The following CNOT6L variants were observed in gnomAD, a reference collection of about 807,000 sequenced individuals.
CNOT6L encodes the protein CCR4-NOT transcription complex subunit 6-like.
In CNOT6L, 7 loss-of-function variants were observed where a neutral mutation model predicts 64.0. The ratio of observed to expected loss-of-function variants is 0.11; its 90% CI spans 0.06 to 0.21. The LOEUF (loss-of-function observed/expected upper bound fraction) is 0.21. Among genes scored for constraint, CNOT6L ranks in the 10% least tolerant of loss-of-function variants. The pLI, the probability that CNOT6L is intolerant of heterozygous loss-of-function variation, is 1.00. For synonymous variants in CNOT6L, 193 were observed against 243.4 expected, an observed-to-expected ratio of 0.79 and a Z score of 1.93; for missense variants, 245 against 669.0, an observed-to-expected ratio of 0.37 and a Z score of 6.99.
intron 1 of CNOT6L, among the ~76,000 whole-genome samples, chr4:77,815,065 A>G (rs1051723557): frequency 1.3e-5 from 2 of 152,226 alleles, no homozygotes; most frequent in African/African-American, 4.8e-5. Context: ...AGCAACAAAC[A>G]AGAGAATATG....
At chr4:77,793,686 G>T (rs965354037) in intron 1 of CNOT6L, among the ~76,000 whole-genome samples, 1 of 152,144 alleles carries the variant, frequency 6.6e-6, no homozygotes, top group South Asian at 2.1e-4. Context: ...ATTTCTGAGT[G>T]TTGGGTAGGG....
At chr4:77,819,135 AC>A in intron 1 of CNOT6L, 168 bp downstream of exon 1, 1 of 1,292,030 alleles carries the variant, frequency 7.7e-7, no homozygotes, top group Non-Finnish European at 1.1e-6. Context: ...CCCTCCAGTC[AC>A]CCGACACACA....
At chr4:77,761,749 A>G (rs1406776472) in intron 4 of CNOT6L, among the ~76,000 whole-genome samples, 1 of 152,190 alleles carries the variant, frequency 6.6e-6, no homozygotes, top group East Asian at 1.9e-4. Flanking sequence ...TCTATTCAAT[A>G]TAGTACTAGA....
intron 11 of CNOT6L, among the ~76,000 whole-genome samples, chr4:77,724,932 T>A (rs1165232091): frequency 8.9e-6 from 1 of 112,520 alleles, no homozygotes; most frequent in African/African-American, 2.7e-5. Flanking sequence ...CCCAACTCTA[T>A]GTTCAATGGT....
intron 1 of CNOT6L, among the ~76,000 whole-genome samples, chr4:77,781,734 A>T: frequency 6.6e-6 from 1 of 152,152 alleles, no homozygotes; most frequent in Non-Finnish European, 1.5e-5. Flanking sequence ...CGATGCCTCT[A>T]TAGCGTATGT....
chr4:77,786,081 G>T (rs1034564122), intron 1 of CNOT6L, among the ~76,000 whole-genome samples: 1 of 151,996 alleles, frequency 6.6e-6, no homozygotes, highest in Admixed American at 6.6e-5. Flanking sequence ...AGGCGTTCAA[G>T]ACCAGCCTGC....
At chr4:77,766,602 A>G (rs1726849016) in intron 4 of CNOT6L, among the ~76,000 whole-genome samples, 1 of 152,028 alleles carries the variant, frequency 6.6e-6, no homozygotes, top group African/African-American at 2.4e-5. Flanking sequence ...AAAACTCCAA[A>G]AAATTTGCAG....
intron 1 of CNOT6L, among the ~76,000 whole-genome samples, chr4:77,811,729 C>A (rs978968878): frequency 3.3e-5 from 5 of 152,166 alleles, no homozygotes; most frequent in African/African-American, 1.2e-4. Flanking sequence ...CTCTCACAAA[C>A]ACACACACTC....
intron 8 of CNOT6L, 74 bp from the exon 9 acceptor site, chr4:77,731,612 C>G: frequency 9.2e-7 from 1 of 1,087,028 alleles, no homozygotes; most frequent in Non-Finnish European, 1.3e-6. Context: ...AGAAACATGA[C>G]ATGCATTGTC....
Position 77,719,748 on chromosome 4 carries a change from G to A in CNOT6L, c.*683C>T, listed in dbSNP as rs1258677533. 7 of 152,366 alleles carry A rather than the reference G, an allele frequency of 4.6e-5. No individual in the cohort carries two copies. The highest frequency in any genetic ancestry group is 2.9e-5 in the Non-Finnish European group (2 of 67,978). The allele number at this position is 152,366 out of a possible 1,614,324, so 9.4% of individuals were successfully genotyped here. ...ACTTCCAATAAGGTTATATATAAAG[G>A]ACAAAAAAACCAAAGTGATTCCTCA... On this transcript the variant is annotated 3_prime_UTR_variant, in exon 12 of 12. Transcript: ENST00000504123.
intron 1 of CNOT6L, 60 bp downstream of exon 1, chr4:77,819,243 CG>C: frequency 6.2e-7 from 1 of 1,613,254 alleles, no homozygotes; most frequent in Non-Finnish European, 8.5e-7. Flanking sequence ...CTCATTTCCC[CG>C]GGGACGCGCT....
At chr4:77,743,993 A>T (rs1022879346) in intron 7 of CNOT6L, among the ~76,000 whole-genome samples, 26 of 152,214 alleles carry the variant, frequency 1.7e-4, no homozygotes, top group African/African-American at 6.0e-4. Context: ...CATTTAAAAA[A>T]ATATATATGT....
intron 5 of CNOT6L, among the ~76,000 whole-genome samples, chr4:77,749,457 T>G (rs1318273134): frequency 1.3e-5 from 2 of 152,122 alleles, no homozygotes; most frequent in Admixed American, 6.5e-5. Flanking sequence ...ACAAAAAAAT[T>G]TCTAGCTATT....
chr4:77,729,104 GAAGACA>G (rs1560574408), intron 9 of CNOT6L, 23 bp from the exon 10 acceptor site: 1 of 1,570,084 alleles, frequency 6.4e-7, no homozygotes, highest in East Asian at 2.2e-5. Flanking sequence ...ATTACAAAAA[GAAGACA>G]AAGTTATGCT....
rs1464349800 is a variant in CNOT6L at position 77,720,177 on chromosome 4, A to G, written c.*254T>C. ...TATCAATTTTGAATGCTGGCTGTTA[A>G]TACAATATAAAGAAGGTCCAATTTA... On this transcript the variant is annotated 3_prime_UTR_variant, in exon 12 of 12. Transcript: ENST00000504123. 2.5e-5 allele frequency: 9 copies of G among 357,894 alleles called. No homozygotes were observed. The East Asian group carries it at 4.2e-4, about 17-fold the overall frequency. 22.2% of individuals were successfully genotyped at this position (357,894 alleles called of 1,614,324 possible).
intron 1 of CNOT6L, among the ~76,000 whole-genome samples, chr4:77,811,162 A>G (rs1732886456): frequency 6.6e-6 from 1 of 152,226 alleles, no homozygotes. Flanking sequence ...AAAAGAAAGG[A>G]TACTTCCACT....
At chr4:77,755,744 G>A (rs912391254) in intron 5 of CNOT6L, among the ~76,000 whole-genome samples, 3 of 151,982 alleles carry the variant, frequency 2.0e-5, no homozygotes, top group South Asian at 2.1e-4. Context: ...GAAGAAGGGC[G>A]TCTTACGATA....
Position 77,819,299 on chromosome 4 carries a change from T to A in CNOT6L, c.5+5A>T. ...GTCCTACTCGGAGGCAAAAGAACAC[T>A]CTACCTCATTCTCTTCCTCTGGCCC... On this transcript the variant is annotated splice_donor_5th_base_variant and intron_variant, in intron 1 of 11. Coordinates refer to ENST00000504123, the MANE Select transcript of CNOT6L (RefSeq NM_144571.3). 6.2e-7 allele frequency: 1 copy of A among 1,612,998 alleles called. No homozygotes were observed. Among genetic ancestry groups the A allele is most frequent in the Middle Eastern group, 1.6e-4 (1 of 6,062 alleles).
At chr4:77,743,235 T>C (rs1723789494) in intron 7 of CNOT6L, among the ~76,000 whole-genome samples, 1 of 152,144 alleles carries the variant, frequency 6.6e-6, no homozygotes, top group African/African-American at 2.4e-5. Context: ...CTCTTTTTAA[T>C]ACAGTATAGT....
Sources: gnomAD v4.1 joint callset for allele counts (sites outside exome capture counted in the v4.1 genomes callset) on GRCh38, gnomAD v4.1.1 for gene constraint, MANE v1.5 for transcripts, NCBI Gene and HGNC (gene_info 2026-07-23, HGNC 2026-07-21) for gene names.